Variants in SETD2 observed in about 807,000 individuals in gnomAD.
SETD2 encodes SET domain containing 2, histone lysine methyltransferase.
SETD2 carries 31 observed loss-of-function variants against 242.1 expected under a neutral mutation model. The ratio of observed to expected loss-of-function variants is 0.13; its 90% CI spans 0.10 to 0.17. The LOEUF is 0.17. Among genes scored for constraint, SETD2 ranks in the 10% least tolerant of loss-of-function variants. SETD2 has a pLI of 1.00. For synonymous variants in SETD2, 1,006 were observed against 1,066.5 expected (o/e 0.94, Z 1.11); for missense variants, 2,481 against 3,046.3 (o/e 0.81, Z 4.37).
Position 47,120,643 on chromosome 3 carries a change from T to C in SETD2, c.3993A>G (p.Leu1331=), listed in dbSNP as rs2043037693. ...DRTQGQVPDS[L]TDDREEEENW... is the part of the protein sequence containing the mutation. Reference sequence around the variant, plus strand: ...TCTCCTCTTCTTCACGATCATCTGTTAGGGAATCTGGTACTTGTCCTTGAG... The same window carrying C: ...TCTCCTCTTCTTCACGATCATCTGTCAGGGAATCTGGTACTTGTCCTTGAG... Residue 1331 remains leucine, a synonymous_variant, in exon 3 of 21, where the codon CTA becomes CTG. Coordinates refer to ENST00000409792, the MANE Select transcript of SETD2 (RefSeq NM_014159.7). 1 of 1,614,104 alleles carries C rather than the reference T, an allele frequency of 6.2e-7. No homozygotes were observed. Among genetic ancestry groups the C allele is most frequent in the East Asian group, 2.2e-5 (1 of 44,884 alleles).
intron 5 of SETD2, among the ~76,000 whole-genome samples, chr3:47,108,139 G>A (rs2042511113): frequency 6.6e-6 from 1 of 151,766 alleles, no homozygotes; most frequent in Non-Finnish European, 1.5e-5. Context: ...TTTAAAAAAT[G>A]TTTTAAAACA....
intron 18 of SETD2, among the ~76,000 whole-genome samples, chr3:47,036,404 C>T (rs926341796): frequency 1.3e-5 from 2 of 151,648 alleles, no homozygotes; most frequent in Non-Finnish European, 2.9e-5. Context: ...AAAATACAAA[C>T]ATTAGCCAGG....
intron 8 of SETD2, among the ~76,000 whole-genome samples, chr3:47,101,127 G>T (rs1299774126): frequency 6.6e-6 from 1 of 151,480 alleles, no homozygotes; most frequent in Non-Finnish European, 1.5e-5. Flanking sequence ...GCTGAATAAC[G>T]GATACAGAGG....
chr3:47,024,102 G>A (rs1000246125), intron 18 of SETD2, among the ~76,000 whole-genome samples: 3 of 152,166 alleles, frequency 2.0e-5, no homozygotes, highest in African/African-American at 4.8e-5. Flanking sequence ...CACTTTGGGA[G>A]GCCGAGGCGA....
At chr3:47,052,642 C>A (rs2039896556) in intron 15 of SETD2, among the ~76,000 whole-genome samples, 1 of 152,020 alleles carries the variant, frequency 6.6e-6, no homozygotes, top group African/African-American at 2.4e-5. Flanking sequence ...CATGGCGAAA[C>A]CCTGTCTCTA....
chr3:47,040,685 C>T (rs1390178681), intron 17 of SETD2, among the ~76,000 whole-genome samples: 2 of 148,128 alleles, frequency 1.4e-5, no homozygotes, highest in Admixed American at 7.0e-5. Flanking sequence ...GTGATCCTCT[C>T]GCCTCAGCCT....
Position 47,122,343 on chromosome 3 carries a change from C to G in SETD2, c.2293G>C (p.Val765Leu), listed in dbSNP as rs2043132716. 3 of 1,614,192 alleles carry G rather than the reference C, an allele frequency of 1.9e-6. No individual in the cohort carries two copies. Among genetic ancestry groups the G allele is most frequent in the Non-Finnish European group, 2.5e-6 (3 of 1,180,026 alleles). The change falls in exon 3 of 21, where the codon GTT becomes CTT. Residue 765 changes from valine (V) to leucine (L), a missense_variant. Coordinates refer to ENST00000409792, the MANE Select transcript of SETD2 (RefSeq NM_014159.7). ...PHQDKLMSMP[V>L]MTVDYSKTVV... ...GTTTTGGAATAATCCACAGTCATAA[C>G]TGGCATAGACATGAGTTTATCTTGG... is the stretch of plus-strand genomic sequence containing the variant.
chr3:47,121,732 G>A lies in SETD2; in HGVS notation c.2904C>T (p.Ser968=), dbSNP rs190619195. ...CLQEAQEEGN[S]ILPERRGRPE... ...GTCTTCCTCTTCTTTCAGGCAATAT[G>A]GAATTCCCTTCTTCTTGAGCCTCTT... The change falls in exon 3 of 21, where the codon TCC becomes TCT. Residue 968 remains serine, a synonymous_variant. Transcript: ENST00000409792. 6.2e-7 allele frequency: 1 copy of A among 1,614,044 alleles called. No homozygotes were observed. Among genetic ancestry groups the A allele is most frequent in the East Asian group, 2.2e-5 (1 of 44,870 alleles).
At chr3:47,096,232 C>A (rs2042001122) in intron 9 of SETD2, among the ~76,000 whole-genome samples, 1 of 152,168 alleles carries the variant, frequency 6.6e-6, no homozygotes, top group Admixed American at 6.5e-5. Flanking sequence ...TGGATTGGAG[C>A]TTATTTCCAC....
At chr3:47,132,426 A>G (rs1453450363) in intron 1 of SETD2, among the ~76,000 whole-genome samples, 2 of 152,144 alleles carry the variant, frequency 1.3e-5, no homozygotes, top group East Asian at 1.9e-4. Flanking sequence ...GGTGGAAGTT[A>G]CAGTGAGCAG....
chr3:47,127,188 C>G (rs2043354355), intron 1 of SETD2, among the ~76,000 whole-genome samples: 1 of 151,714 alleles, frequency 6.6e-6, no homozygotes, highest in Non-Finnish European at 1.5e-5. Context: ...GAAACCCTGT[C>G]TCTATAAAAA....
intron 16 of SETD2, among the ~76,000 whole-genome samples, chr3:47,044,061 G>A (rs1337099559): frequency 6.6e-6 from 1 of 151,878 alleles, no homozygotes; most frequent in African/African-American, 2.4e-5. Flanking sequence ...ATGCCTAGTC[G>A]GCCAAGCACA....
At chr3:47,117,049 G>C (rs2042882418) in intron 3 of SETD2, among the ~76,000 whole-genome samples, 1 of 151,786 alleles carries the variant, frequency 6.6e-6, no homozygotes, top group Non-Finnish European at 1.5e-5. Flanking sequence ...ATATTCTGTA[G>C]AGACAGGGTC....
chr3:47,161,157 T>C (rs370538143), intron 1 of SETD2, among the ~76,000 whole-genome samples: 1 of 152,158 alleles, frequency 6.6e-6, no homozygotes, highest in East Asian at 1.9e-4. Flanking sequence ...ATCCTCAACT[T>C]AAATCCTACC....
At chr3:47,116,978 G>A (rs906428718) in intron 3 of SETD2, among the ~76,000 whole-genome samples, 1 of 151,794 alleles carries the variant, frequency 6.6e-6, no homozygotes, top group Non-Finnish European at 1.5e-5. Context: ...TGAATAGCTG[G>A]GACCACAGCT....
intron 1 of SETD2, among the ~76,000 whole-genome samples, chr3:47,155,359 G>T (rs756201944): frequency 1.1e-4 from 17 of 152,140 alleles, no homozygotes; most frequent in African/African-American, 4.1e-4. Context: ...ACTCTCAAAA[G>T]GTTCTGCCAA....
intron 5 of SETD2, among the ~76,000 whole-genome samples, chr3:47,112,404 C>T (rs901387576): frequency 6.6e-6 from 1 of 152,120 alleles, no homozygotes; most frequent in African/African-American, 2.4e-5. Context: ...GCCTCAGCCC[C>T]TCAAGTAACT....
At chr3:47,053,588 C>T (rs1241502211) in intron 15 of SETD2, among the ~76,000 whole-genome samples, 1 of 152,054 alleles carries the variant, frequency 6.6e-6, no homozygotes, top group African/African-American at 2.4e-5. Flanking sequence ...ACATTTGCTC[C>T]AAATATTAAA....
At position 47,120,645 on chromosome 3, in the gene SETD2, G is replaced by A. The variant is rs1575810676; in HGVS notation, c.3991C>T (p.Leu1331=). The A allele has an allele frequency of 6.2e-7, 1 of 1,614,040 alleles. No homozygotes were observed. The highest frequency in any genetic ancestry group is 8.5e-7 in the Non-Finnish European group (1 of 1,180,034). ...DRTQGQVPDS[L]TDDREEEENW... ...TCCTCTTCTTCACGATCATCTGTTA[G>A]GGAATCTGGTACTTGTCCTTGAGTT... is the stretch of plus-strand genomic sequence containing the variant. The change falls in exon 3 of 21, where the codon CTA becomes TTA. Residue 1331 remains leucine, a synonymous_variant. Coordinates refer to ENST00000409792, the MANE Select transcript of SETD2 (RefSeq NM_014159.7).
Sources: gnomAD v4.1 joint callset for allele counts (sites outside exome capture counted in the v4.1 genomes callset) on GRCh38, gnomAD v4.1.1 for gene constraint, MANE v1.5 for transcripts, NCBI Gene and HGNC (gene_info 2026-07-23, HGNC 2026-07-21) for gene names.